The following TMTC4 variants were observed in gnomAD, a reference collection of about 807,000 sequenced individuals.
TMTC4 encodes the protein protein O-mannosyl-transferase TMTC4.
In TMTC4, 65 loss-of-function variants were observed where a neutral mutation model predicts 86.0. The ratio of observed to expected loss-of-function variants is 0.76; its 90% confidence interval spans 0.62 to 0.93. TMTC4 has a LOEUF of 0.93. Among genes scored for constraint, TMTC4 ranks in the 40% least tolerant of loss-of-function variants. TMTC4 has a pLI of 0.00. For missense variants in TMTC4, 866 were observed against 948.1 expected (o/e 0.91, Z 1.14); for synonymous variants, 379 against 382.5 (o/e 0.99, Z 0.11).
chr13:100,631,409 T>C (rs1881337334), intron 12 of TMTC4, among the ~76,000 whole-genome samples: 1 of 152,260 alleles, frequency 6.6e-6, no homozygotes, highest in Admixed American at 6.5e-5. Flanking sequence ...ATCTGTTTCA[T>C]TGTTAAAAGA....
intron 7 of TMTC4, 55 bp from the exon 8 acceptor site, chr13:100,638,077 G>C: frequency 1.5e-6 from 2 of 1,350,914 alleles, no homozygotes; most frequent in Non-Finnish European, 2.1e-6. Context: ...GTGTTAGGCA[G>C]CAATTACACT....
intron 1 of TMTC4, chr13:100,674,385 G>T (rs1887558354): frequency 1.0e-6 from 1 of 956,530 alleles, no homozygotes. Flanking sequence ...CGCGCCGCAG[G>T]CGCCGGGTGC....
At chr13:100,647,560 T>C (rs895260116) in intron 6 of TMTC4, among the ~76,000 whole-genome samples, 1 of 152,234 alleles carries the variant, frequency 6.6e-6, no homozygotes, top group African/African-American at 2.4e-5. Flanking sequence ...CAAAAGCAAG[T>C]TCCTTGATTT....
At position 100,604,505 on chromosome 13, in the gene TMTC4, ATGT is replaced by A. The variant is rs1355989140; in HGVS notation, c.*486_*488del. 2 of 152,224 alleles carry A rather than the reference ATGT, an allele frequency of 1.3e-5. No individual in the cohort carries two copies. The highest frequency in any genetic ancestry group is 4.8e-5 in the African/African-American group (2 of 41,442). The allele number at this position is 152,224 out of a possible 1,614,324, so 9.4% of individuals were successfully genotyped here. A position where few individuals can be genotyped will look rare whatever the true frequency, so the allele number is the denominator to read the frequency against. Reference sequence around the variant, plus strand: ...AATATTTCCTTACAAAGTTCACAGTATGTTGTTTTAAAAAAAAGAGATAAAAAA... The same window carrying A: ...AATATTTCCTTACAAAGTTCACAGTATGTTTTAAAAAAAAGAGATAAAAAA... On this transcript the variant is annotated 3_prime_UTR_variant, in exon 19 of 19. Transcript: ENST00000342624.
chr13:100,656,549 T>TTC, intron 5 of TMTC4, 81 bp from the exon 6 acceptor site: 1 of 810,430 alleles, frequency 1.2e-6, no homozygotes, highest in Non-Finnish European at 1.8e-6. Context: ...TAACTTTTTT[T>TTC]TTTTTTTTTT....
chr13:100,648,347 A>G (rs1025206096), intron 6 of TMTC4, among the ~76,000 whole-genome samples: 4 of 152,102 alleles, frequency 2.6e-5, no homozygotes, highest in Admixed American at 6.5e-5. Flanking sequence ...AAATGTGAAC[A>G]TTTTCATATT....
chr13:100,675,029 C>T, upstream of TMTC4: 2 of 985,644 alleles, frequency 2.0e-6, no homozygotes, highest in South Asian at 4.7e-5. Flanking sequence ...GGCCAGGGGG[C>T]GCTAGTCGGC....
chr13:100,623,923 T>C, intron 15 of TMTC4: 1 of 491,700 alleles, frequency 2.0e-6, no homozygotes, highest in South Asian at 1.5e-5. Context: ...GGGTCTTCCT[T>C]GGTGCCTAAA....
intron 5 of TMTC4, among the ~76,000 whole-genome samples, chr13:100,657,637 G>A (rs1885269987): frequency 2.0e-5 from 3 of 152,210 alleles, no homozygotes; most frequent in Non-Finnish European, 4.4e-5. Flanking sequence ...CTTCTGCTGT[G>A]ATTGTCCAGG....
chr13:100,630,073 G>A (rs188599400), intron 12 of TMTC4, among the ~76,000 whole-genome samples: 2 of 150,462 alleles, frequency 1.3e-5, no homozygotes, highest in East Asian at 2.0e-4. Context: ...GTGTATGTGT[G>A]TGTGTGTGTT....
chr13:100,605,293 A>G lies in TMTC4; in HGVS notation c.2135-151T>C, dbSNP rs952667134. On this transcript the variant is annotated intron_variant, in intron 18 of 18. Transcript: ENST00000342624. The surrounding 1 kb of genome is among the most constrained non-coding windows in gnomAD (Gnocchi z 4.3). ...CAATATTGTTTGTACTGAAAACTCT[A>G]TTTATTGTAATCACACTCCCTGATG... 4.3e-6 allele frequency: 4 copies of G among 934,174 alleles called. No homozygotes were observed. The South Asian group carries it at 5.4e-5, about 13-fold the overall frequency. The allele number at this position is 934,174 out of a possible 1,614,324, so 57.9% of individuals were successfully genotyped here. A position where few individuals can be genotyped will look rare whatever the true frequency, so the allele number is the denominator to read the frequency against.
chr13:100,635,111 T>A lies in TMTC4; in HGVS notation c.1287A>T (p.Ala429=), dbSNP rs946838. 4.3e-6 allele frequency: 7 copies of A among 1,613,920 alleles called. No homozygotes were observed. The South Asian group carries it at 7.7e-5, about 18-fold the overall frequency. Residue 429 remains alanine (A), a synonymous_variant, in exon 11 of 19, where the codon GCA becomes GCT. Coordinates refer to ENST00000342624, the MANE Select transcript of TMTC4 (RefSeq NM_032813.5). ...CGCTGGGGAGGTAGAGGACACGCTC[T>A]GCGACCACGAAGCCCACTCGGAAGA... ...NLFFRVGFVV[A]ERVLYLPSVG... is the part of the protein sequence containing the mutation.
intron 6 of TMTC4, among the ~76,000 whole-genome samples, chr13:100,652,368 A>G (rs1486428673): frequency 1.4e-5 from 2 of 145,904 alleles, no homozygotes; most frequent in African/African-American, 5.1e-5. Context: ...AGTCCCAGCT[A>G]CTTGGGAGGC....
At chr13:100,667,946 C>T (rs750667868) in intron 3 of TMTC4, among the ~76,000 whole-genome samples, 4 of 152,184 alleles carry the variant, frequency 2.6e-5, no homozygotes, top group Non-Finnish European at 2.9e-5. Context: ...AAAAGATTAC[C>T]ATTTTTCCTG....
In TMTC4 at chr13:100,605,754, G is replaced by A. The variant is rs79712025; in HGVS notation, c.2134+604C>T. Among the ~76,000 whole-genome samples, 3 of 152,154 alleles carry A rather than the reference G, an allele frequency of 2.0e-5. No individual in the cohort carries two copies. The highest frequency in any genetic ancestry group is 7.2e-5 in the African/African-American group (3 of 41,430). On this transcript the variant is annotated intron_variant, in intron 18 of 18. Coordinates refer to ENST00000342624, the MANE Select transcript of TMTC4 (RefSeq NM_032813.5). This position sits in a 1 kb window ranked among gnomAD's most constrained non-coding sequence, Gnocchi z 4.3. ...CATCTGTGGACGCTTTTTGGCTTTT[G>A]TGAAGAGAAGCTTCAGAGTTGGTAG... is the stretch of plus-strand genomic sequence containing the variant.
chr13:100,673,395 T>A, intron 1 of TMTC4: 2 of 981,122 alleles, frequency 2.0e-6, no homozygotes, highest in South Asian at 9.4e-5. Flanking sequence ...CCTGCTGACC[T>A]CTGCCCAGCC....
At position 100,605,465 on chromosome 13, in the gene TMTC4, G is replaced by A. The variant is rs531403272; in HGVS notation, c.2135-323C>T. ...TGCCATGAAATTTCCAGGAAGCAAG[G>A]CTGGGTATGGGAGGTGGGGGTGATG... On this transcript the variant is annotated intron_variant, in intron 18 of 18. Transcript: ENST00000342624. The surrounding 1 kb of genome is among the most constrained non-coding windows in gnomAD (Gnocchi z 4.3). Among the ~76,000 whole-genome samples the A allele has an allele frequency of 3.9e-5, 6 of 152,254 alleles. No individual in the cohort carries two copies. In the South Asian group the frequency reaches 1.2e-3, roughly 32 times the overall value.
At chr13:100,607,174 C>T (rs1308734620) in intron 17 of TMTC4, among the ~76,000 whole-genome samples, 3 of 152,102 alleles carry the variant, frequency 2.0e-5, no homozygotes, top group East Asian at 1.9e-4. Flanking sequence ...GCCCTGGGGA[C>T]GCTGTTCACT....
intron 15 of TMTC4, among the ~76,000 whole-genome samples, chr13:100,617,487 CTT>C (rs1878691977): frequency 6.6e-6 from 1 of 152,130 alleles, no homozygotes; most frequent in African/African-American, 2.4e-5. Context: ...TTTAATCTAT[CTT>C]GAGTTAATGT....
Sources: gnomAD v4.1 joint callset for allele counts (sites outside exome capture counted in the v4.1 genomes callset) on GRCh38, gnomAD v4.1.1 for gene constraint, Gnocchi (gnomAD v3.1) non-coding constraint, MANE v1.5 for transcripts, NCBI Gene and HGNC (gene_info 2026-07-23, HGNC 2026-07-21) for gene names.